TSHZ3: variants seen among roughly 807,000 people sequenced by gnomAD.
TSHZ3 encodes teashirt zinc finger homeobox 3, also known as teashirt homolog 3.
In TSHZ3, 10 loss-of-function variants were observed where a neutral mutation model predicts 64.5. The observed-to-expected ratio is 0.16, with a 90% CI of 0.10 to 0.26. The LOEUF (loss-of-function observed/expected upper bound fraction) is 0.26, where lower values mean the gene tolerates loss of function less well. TSHZ3 is among the 10% of genes least tolerant of loss of function. The pLI, the probability that TSHZ3 is intolerant of heterozygous loss-of-function variation, is 1.00. For synonymous variants in TSHZ3, 608 were observed against 593.1 expected (o/e 1.03, Z -0.36); for missense variants, 1,242 against 1,421.7 (o/e 0.87, Z 2.03).
chr19:31,293,271 CT>C (rs1335467064), intron 1 of TSHZ3, among the ~76,000 whole-genome samples: 51 of 152,198 alleles, frequency 3.4e-4, no homozygotes, highest in African/African-American at 1.2e-3. Flanking sequence ...ACAGGCTATA[CT>C]TTTATGTACT....
chr19:31,157,450 T>TATA (rs1974319843), intron 5 of TSHZ3, among the ~76,000 whole-genome samples: 1 of 152,196 alleles, frequency 6.6e-6, no homozygotes, highest in African/African-American at 2.4e-5. Context: ...GCTCAGTAGG[T>TATA]ATAATAGATA....
chr19:31,348,964 A>G, intron 1 of TSHZ3: 1 of 551,588 alleles, frequency 1.8e-6, no homozygotes, highest in Non-Finnish European at 3.0e-6. Flanking sequence ...GGCTCCCCAA[A>G]TGGGTGCGAG....
rs189049899 is a variant in TSHZ3 at position 31,304,596 on chromosome 19, G to A, written c.41-24844C>T. Among the ~76,000 whole-genome samples the A allele has an allele frequency of 1.3e-4, 20 of 152,062 alleles. No individual in the cohort carries two copies. The East Asian group carries it at 1.5e-3, about 12-fold the overall frequency. On this transcript the variant is annotated intron_variant, in intron 1 of 1. Transcript: ENST00000240587. ...TCATCATAAATTACTTTTTAGCACC[G>A]AGAGTTGGATTTATAGTATCATTTC...
intron 1 of TSHZ3, among the ~76,000 whole-genome samples, chr19:31,325,678 G>A (rs1470714004): frequency 6.6e-6 from 1 of 152,206 alleles, no homozygotes; most frequent in Non-Finnish European, 1.5e-5. Context: ...CTGTAGGACT[G>A]CATCCCACAA....
chr19:31,176,623 T>C (rs1974610448), intron 5 of TSHZ3, among the ~76,000 whole-genome samples: 1 of 152,054 alleles, frequency 6.6e-6, no homozygotes, highest in Non-Finnish European at 1.5e-5. Context: ...ACTCCCTCTC[T>C]ACAAAAATAA....
At chr19:31,304,483 T>C (rs1413669595) in intron 1 of TSHZ3, among the ~76,000 whole-genome samples, 1 of 150,728 alleles carries the variant, frequency 6.6e-6, no homozygotes, top group African/African-American at 2.4e-5. Flanking sequence ...CCCCAAACTG[T>C]CAAACTGGGA....
chr19:31,306,132 G>A (rs897480646), intron 1 of TSHZ3, among the ~76,000 whole-genome samples: 4 of 152,148 alleles, frequency 2.6e-5, no homozygotes, highest in Admixed American at 1.3e-4. Context: ...CCCTCCCCAC[G>A]AGACGACGGC....
chr19:31,180,015 C>T (rs1017646749), intron 5 of TSHZ3, among the ~76,000 whole-genome samples: 6 of 152,158 alleles, frequency 3.9e-5, no homozygotes, highest in Admixed American at 1.3e-4. Flanking sequence ...CTGGCCTCTG[C>T]TCCCTTGGAC....
intron 5 of TSHZ3, among the ~76,000 whole-genome samples, chr19:31,201,757 A>T (rs559463436): frequency 6.6e-6 from 1 of 152,160 alleles, no homozygotes; most frequent in African/African-American, 2.4e-5. Context: ...TTAAGAAATA[A>T]AAGTTGGAAA....
At chr19:31,342,578 T>A (rs1917470568) in intron 1 of TSHZ3, among the ~76,000 whole-genome samples, 1 of 152,214 alleles carries the variant, frequency 6.6e-6, no homozygotes, top group African/African-American at 2.4e-5. Context: ...ATTAAATTGT[T>A]CATTAAAAAT....
At chr19:31,295,089 A>C (rs1287399360) in intron 1 of TSHZ3, among the ~76,000 whole-genome samples, 1 of 152,238 alleles carries the variant, frequency 6.6e-6, no homozygotes, top group Non-Finnish European at 1.5e-5. Context: ...TAGAATACCA[A>C]AGAAGTGAAT....
chr19:31,325,043 C>T (rs955286212), intron 1 of TSHZ3, among the ~76,000 whole-genome samples: 9 of 152,208 alleles, frequency 5.9e-5, no homozygotes, highest in South Asian at 2.1e-4. Context: ...CAGTATTCCT[C>T]GGTCATTATC....
intron 1 of TSHZ3, among the ~76,000 whole-genome samples, chr19:31,253,605 T>TC (rs1352050319): frequency 6.6e-6 from 1 of 152,020 alleles, no homozygotes; most frequent in African/African-American, 2.4e-5. Flanking sequence ...CAAGCAATCC[T>TC]CCCCCTTCAG....
At chr19:31,329,040 C>T (rs1917003598) in intron 1 of TSHZ3, among the ~76,000 whole-genome samples, 1 of 152,162 alleles carries the variant, frequency 6.6e-6, no homozygotes, top group Non-Finnish European at 1.5e-5. Context: ...CAAAGAGCCA[C>T]ATTTACAGAA....
intron 5 of TSHZ3, among the ~76,000 whole-genome samples, chr19:31,163,356 A>C (rs75225601): frequency 0.013 from 1,926 of 152,200 alleles, 31 homozygotes; most frequent in East Asian, 0.069. Context: ...AATTTTTAGA[A>C]CTCAGATTTA....
At position 31,275,104 on chromosome 19, in the gene TSHZ3, T is replaced by G. The variant is rs1976205386; in HGVS notation, c.*1443A>C. 6.6e-6 allele frequency: 1 copy of G among 152,492 alleles called. No individual in the cohort carries two copies. The highest frequency in any genetic ancestry group is 6.5e-5 in the Admixed American group (1 of 15,268). The allele number at this position is 152,492 out of a possible 1,614,324, so 9.4% of individuals were successfully genotyped here. On this transcript the variant is annotated 3_prime_UTR_variant, in exon 2 of 2. Coordinates refer to ENST00000240587, the MANE Select transcript of TSHZ3 (RefSeq NM_020856.4). ...ATTTTATACAAAGGTTCTCATATGG[T>G]GTCAGCTGTCAGTTACTTCTGCAAA...
intron 4 of TSHZ3, among the ~76,000 whole-genome samples, chr19:31,209,072 T>A (rs950292405): frequency 4.6e-5 from 7 of 152,056 alleles, no homozygotes; most frequent in African/African-American, 1.7e-4. Context: ...AGACGCCAGG[T>A]CCAAGGCCAC....
intron 1 of TSHZ3, among the ~76,000 whole-genome samples, chr19:31,326,938 C>T (rs1393952537): frequency 6.6e-6 from 1 of 152,166 alleles, no homozygotes; most frequent in African/African-American, 2.4e-5. Flanking sequence ...GAGAAGCATG[C>T]AAATACAGGG....
rs572600961 is a variant in TSHZ3, at chr19:31,327,779, A to G, written c.40+21401T>C. On this transcript the variant is annotated intron_variant, in intron 1 of 1. Coordinates refer to ENST00000240587, the MANE Select transcript of TSHZ3 (RefSeq NM_020856.4). ...CATATTGAAATAAAACACCCTGCAC[A>G]GCCCCTAAACCTCAAAATCCAATAC... 3.3e-5 allele frequency among the ~76,000 whole-genome samples: 5 copies of G among 152,362 alleles called. No homozygotes were observed. In the South Asian group the frequency reaches 1.0e-3, roughly 32 times the overall value.
Sources: allele counts gnomAD v4.1 joint callset (sites outside exome capture counted in the v4.1 genomes callset), GRCh38; gene constraint gnomAD v4.1.1; transcripts MANE v1.5; gene names NCBI Gene and HGNC (gene_info 2026-07-23, HGNC 2026-07-21).